Variants in CD33 observed in about 807,000 individuals in gnomAD.
The protein encoded by CD33 is CD33 molecule, also known as myeloid cell surface antigen CD33.
A neutral mutation model predicts 31.4 loss-of-function variants in CD33; 25 were observed. That is an observed-to-expected ratio of 0.80 (90% confidence interval 0.58 to 1.11). CD33 has a LOEUF of 1.11. Among genes scored for constraint, CD33 ranks in the 50% most tolerant of loss-of-function variants. The pLI, the probability that CD33 is intolerant of heterozygous loss-of-function variation, is 0.00. For synonymous variants in CD33, 176 were observed against 180.6 expected (o/e 0.97, Z 0.20); for missense variants, 407 against 448.1 (o/e 0.91, Z 0.83).
At chr19:51,211,681 G>A in the CD33 span, 11 of 993,396 alleles carry the variant, frequency 1.1e-5, no homozygotes, top group African/African-American at 1.6e-5. Context: ...GAAGGGGGTT[G>A]GGAATGAAGC....
intron 4 of CD33, 142 bp from the exon 5 acceptor site, chr19:51,235,015 T>C (rs1282094718): frequency 7.7e-6 from 5 of 648,922 alleles, no homozygotes; most frequent in Non-Finnish European, 1.1e-5. Context: ...GTGGTCAATA[T>C]TGATGTCTAT....
upstream of CD33, chr19:51,225,053 C>T: frequency 6.3e-7 from 1 of 1,596,866 alleles, no homozygotes; most frequent in South Asian, 1.1e-5. Context: ...GCCCTGTAGT[C>T]CTTCCCCTCC....
upstream of CD33, among the ~76,000 whole-genome samples, chr19:51,223,766 G>A (rs1202432594): frequency 1.3e-5 from 2 of 152,208 alleles, no homozygotes; most frequent in South Asian, 2.1e-4. Context: ...TTTTGGAGAT[G>A]TCATTGACAC....
At chr19:51,211,402 C>A in the CD33 span, 2 of 1,569,558 alleles carry the variant, frequency 1.3e-6, no homozygotes, top group African/African-American at 2.7e-5. Context: ...CACAAACAAG[C>A]TAGATCAAGA....
chr19:51,225,685 G>A lies in CD33; in HGVS notation c.418+87G>A, dbSNP rs1980954586. ...GGGATGGGACCCTGGTACTGGGAGG[G>A]GTTTAGGGGTAAAGCCTGTCGTGCT... On this transcript the variant is annotated intron_variant, in intron 2 of 6. Transcript: ENST00000262262. 5.9e-6 allele frequency: 9 copies of A among 1,533,152 alleles called. No homozygotes were observed. The Middle Eastern group carries it at 7.1e-4, about 120-fold the overall frequency. 95.0% of individuals were successfully genotyped at this position (1,533,152 alleles called of 1,614,324 possible).
the CD33 span, among the ~76,000 whole-genome samples, chr19:51,214,733 C>A: frequency 6.6e-6 from 1 of 152,148 alleles, no homozygotes; most frequent in African/African-American, 2.4e-5. Context: ...GGATACTAGA[C>A]CCTTACCAAA....
chr19:51,214,273 AC>A, the CD33 span, among the ~76,000 whole-genome samples: 1 of 139,318 alleles, frequency 7.2e-6, no homozygotes, highest in Non-Finnish European at 1.5e-5. Flanking sequence ...ATCTCAGCTT[AC>A]TGCAACCTCT....
chr19:51,215,080 GCTGTGAA>G, the CD33 span, among the ~76,000 whole-genome samples: 1 of 152,170 alleles, frequency 6.6e-6, no homozygotes, highest in Non-Finnish European at 1.5e-5. Flanking sequence ...TGGGGAGGCA[GCTGTGAA>G]GATCCTGCTT....
chr19:51,213,147 T>A, the CD33 span, among the ~76,000 whole-genome samples: 2 of 152,178 alleles, frequency 1.3e-5, no homozygotes, highest in Non-Finnish European at 2.9e-5. Context: ...AAGTAAGGGG[T>A]CAAGGTGCTT....
chr19:51,235,737 C>A, intron 6 of CD33, 61 bp downstream of exon 6: 2 of 1,315,862 alleles, frequency 1.5e-6, no homozygotes, highest in Non-Finnish European at 2.2e-6. Flanking sequence ...CCAATGTGGC[C>A]CACCGTCATG....
chr19:51,214,457 A>G, the CD33 span, among the ~76,000 whole-genome samples: 1 of 152,042 alleles, frequency 6.6e-6, no homozygotes, highest in African/African-American at 2.4e-5. Context: ...TGGCCTCCCA[A>G]AGTGCTGGGA....
chr19:51,211,451 G>A, the CD33 span: 8 of 1,569,252 alleles, frequency 5.1e-6, no homozygotes, highest in African/African-American at 6.8e-5. Context: ...CGCCTCCTTG[G>A]GGATCCCAGT....
chr19:51,225,360 G>A lies in CD33; in HGVS notation c.180G>A (p.Trp60Ter), dbSNP rs1980918408. The A allele has an allele frequency of 6.2e-7, 1 of 1,614,182 alleles. No individual in the cohort carries two copies. Among genetic ancestry groups the A allele is most frequent in the Middle Eastern group, 1.6e-4 (1 of 6,062 alleles). The change falls in exon 2 of 7, where the codon TGG becomes TGA. Residue 60 changes from tryptophan (W) to a stop codon, truncating the protein, a stop_gained. Transcript: ENST00000262262. LOFTEE classifies it high-confidence loss of function. ...AGAACTCCCCAGTTCATGGTTACTG[G>A]TTCCGGGAAGGAGCCATTATATCCA... ...YDKNSPVHGY[W>*]FREGAIISRD...
intron 4 of CD33, among the ~76,000 whole-genome samples, chr19:51,227,280 T>C (rs1182576376): frequency 6.6e-6 from 1 of 152,206 alleles, no homozygotes. Flanking sequence ...TTGTAGTTTT[T>C]TGAGAAACTT....
intron 4 of CD33, 48 bp downstream of exon 4, chr19:51,226,404 T>C (rs1981040338): frequency 3.2e-6 from 5 of 1,555,432 alleles, no homozygotes; most frequent in Non-Finnish European, 4.4e-6. Flanking sequence ...ATTGAGTCTG[T>C]GTCAGGTTTG....
intron 6 of CD33, chr19:51,238,025 T>C (rs906170595): frequency 2.6e-5 from 4 of 152,232 alleles, no homozygotes; most frequent in Admixed American, 6.5e-5. Context: ...TGAGCAAAGA[T>C]AGCTCACGGG....
upstream of CD33, among the ~76,000 whole-genome samples, chr19:51,223,040 C>A (rs1041507573): frequency 2.6e-5 from 4 of 151,948 alleles, no homozygotes; most frequent in Non-Finnish European, 5.9e-5. Flanking sequence ...CATAGCAAGA[C>A]CCCATCTCTC....
intron 4 of CD33, among the ~76,000 whole-genome samples, chr19:51,232,663 T>G (rs1981500792): frequency 6.6e-6 from 1 of 152,240 alleles, no homozygotes; most frequent in South Asian, 2.1e-4. Context: ...TTATTTTTTC[T>G]TCTTGACCTA....
At chr19:51,217,535 G>A in the CD33 span, among the ~76,000 whole-genome samples, 1 of 151,596 alleles carries the variant, frequency 6.6e-6, no homozygotes, top group African/African-American at 2.4e-5. Context: ...TCAGCCTCCC[G>A]AGCAGCTAGG....
Sources: allele counts gnomAD v4.1 joint callset (sites outside exome capture counted in the v4.1 genomes callset), GRCh38; gene constraint gnomAD v4.1.1; transcripts MANE v1.5; gene names NCBI Gene and HGNC (gene_info 2026-07-23, HGNC 2026-07-21).